Variants in PRSS12 observed in about 807,000 individuals in gnomAD.
The protein encoded by PRSS12 is serine protease 12, also known as neurotrypsin.
In PRSS12, 85 loss-of-function variants were observed where a neutral mutation model predicts 104.4. That is an observed-to-expected ratio of 0.81 (90% CI 0.68 to 0.98). The LOEUF is 0.98. PRSS12 is among the 50% of genes least tolerant of loss of function. The pLI, the probability that PRSS12 is intolerant of heterozygous loss-of-function variation, is 0.00. For synonymous variants in PRSS12, 454 were observed against 425.2 expected (o/e 1.07, Z -0.83); for missense variants, 1,141 against 1,139.2 (o/e 1.00, Z -0.02).
At chr4:118,283,168 A>C in intron 11 of PRSS12, 57 bp from the exon 12 acceptor site, 1 of 1,583,800 alleles carries the variant, frequency 6.3e-7, no homozygotes, top group South Asian at 1.1e-5. Context: ...AATTATTGTC[A>C]AGAAGGAAGA....
chr4:118,320,048 T>C (rs1257614346), intron 4 of PRSS12, among the ~76,000 whole-genome samples: 1 of 152,188 alleles, frequency 6.6e-6, no homozygotes, highest in Non-Finnish European at 1.5e-5. Flanking sequence ...CTCCCACAAT[T>C]CAAAGCAATA....
chr4:118,282,567 C>T (rs1205275575), intron 12 of PRSS12, among the ~76,000 whole-genome samples: 2 of 152,172 alleles, frequency 1.3e-5, no homozygotes, highest in East Asian at 3.9e-4. Flanking sequence ...GCATAGAATG[C>T]ATTAATGCTG....
intron 9 of PRSS12, 148 bp from the exon 10 acceptor site, chr4:118,296,004 T>G (rs1046140297): frequency 1.7e-5 from 13 of 745,036 alleles, no homozygotes; most frequent in Non-Finnish European, 2.4e-6. Flanking sequence ...AAAAATAGTT[T>G]TCTCATTTGA....
At chr4:118,294,392 C>T (rs13146959) in intron 11 of PRSS12, among the ~76,000 whole-genome samples, 9,299 of 152,160 alleles carry the variant, frequency 0.061, 389 homozygotes, top group Non-Finnish European at 0.093. Context: ...CCATGAGCTC[C>T]GTGACTCTGG....
At chr4:118,288,109 G>A (rs1048453492) in intron 11 of PRSS12, among the ~76,000 whole-genome samples, 2 of 152,104 alleles carry the variant, frequency 1.3e-5, no homozygotes, top group South Asian at 4.1e-4. Context: ...ACATGGATTC[G>A]TCTCTACAGG....
At chr4:118,305,120 T>TATATAC (rs1553955162) in intron 8 of PRSS12, among the ~76,000 whole-genome samples, 1 of 141,336 alleles carries the variant, frequency 7.1e-6, no homozygotes, top group African/African-American at 2.6e-5. Flanking sequence ...TATATATATA[T>TATATAC]ACACACACAC....
chr4:118,350,266 G>A (rs2126047187), intron 1 of PRSS12, among the ~76,000 whole-genome samples: 1 of 152,310 alleles, frequency 6.6e-6, no homozygotes, highest in South Asian at 2.1e-4. Context: ...AGCCAAAACA[G>A]ACACCAGTGT....
chr4:118,352,499 G>C lies in PRSS12; in HGVS notation c.222C>G (p.Ala74=). The C allele has an allele frequency of 2.1e-6, 3 of 1,432,492 alleles. No homozygotes were observed. Among genetic ancestry groups the C allele is most frequent in the Non-Finnish European group, 2.7e-6 (3 of 1,093,190 alleles). 88.7% of individuals were successfully genotyped at this position (1,432,492 alleles called of 1,614,324 possible). A position where few individuals can be genotyped will look rare whatever the true frequency, so the allele number is the denominator to read the frequency against. The change falls in exon 1 of 13, where the codon GCC becomes GCG. Residue 74 remains alanine, a synonymous_variant. Coordinates refer to ENST00000296498, the MANE Select transcript of PRSS12 (RefSeq NM_003619.4). The part of the protein sequence containing the change: ...RFPRPPRALP[A]QRPHALQAGH... ...CGGCCTGGAGGGCGTGCGGGCGCTGGGCAGGGAGCGCCCGCGGGGGGCGCG... is the reference window on the plus strand; with the variant it reads ...CGGCCTGGAGGGCGTGCGGGCGCTGCGCAGGGAGCGCCCGCGGGGGGCGCG...
At chr4:118,329,752 T>C (rs559064799) in intron 4 of PRSS12, among the ~76,000 whole-genome samples, 2 of 152,294 alleles carry the variant, frequency 1.3e-5, no homozygotes, top group East Asian at 3.9e-4. Flanking sequence ...CACAAAACCC[T>C]ATAAATTAAG....
intron 4 of PRSS12, among the ~76,000 whole-genome samples, chr4:118,320,838 A>T (rs1193721114): frequency 1.3e-5 from 2 of 152,196 alleles, no homozygotes; most frequent in Non-Finnish European, 2.9e-5. Flanking sequence ...TTGAGTTTAA[A>T]ATTCAAAGAG....
chr4:118,338,166 G>C lies in PRSS12; in HGVS notation c.641+10C>G. On this transcript the variant is annotated intron_variant, in intron 2 of 12. Coordinates refer to ENST00000296498, the MANE Select transcript of PRSS12 (RefSeq NM_003619.4). ...AGCTGACTGATTTGGTCAGGGATGG[G>C]TACACTCACCCCAGCTGCAGCTGGT... 6.2e-7 allele frequency: 1 copy of C among 1,613,900 alleles called. No homozygotes were observed. Among genetic ancestry groups the C allele is most frequent in the Non-Finnish European group, 8.5e-7 (1 of 1,179,886 alleles).
chr4:118,312,756 C>G (rs1743778451), intron 7 of PRSS12, among the ~76,000 whole-genome samples: 1 of 151,354 alleles, frequency 6.6e-6, no homozygotes, highest in African/African-American at 2.4e-5. Context: ...GGTTGGTGAC[C>G]AACGAACGAC....
chr4:118,342,071 C>T (rs1280026059), intron 1 of PRSS12, among the ~76,000 whole-genome samples: 2 of 152,126 alleles, frequency 1.3e-5, no homozygotes, highest in Non-Finnish European at 2.9e-5. Flanking sequence ...TGACGCAAAT[C>T]CTCCAGTAGA....
At chr4:118,333,287 A>C (rs1408824957) in intron 3 of PRSS12, among the ~76,000 whole-genome samples, 4 of 152,326 alleles carry the variant, frequency 2.6e-5, no homozygotes, top group Non-Finnish European at 5.9e-5. Context: ...CCAAATACTA[A>C]TCATTTATCT....
intron 11 of PRSS12, among the ~76,000 whole-genome samples, chr4:118,292,799 G>A (rs188555293): frequency 6.0e-4 from 91 of 152,206 alleles, no homozygotes; most frequent in Middle Eastern, 3.4e-3. Flanking sequence ...CAGATCACTT[G>A]AGGTCAGGAG....
intron 1 of PRSS12, among the ~76,000 whole-genome samples, chr4:118,349,483 C>T (rs1430012370): frequency 6.6e-6 from 1 of 151,836 alleles, no homozygotes; most frequent in Non-Finnish European, 1.5e-5. Context: ...TCAGGCCAAA[C>T]ATAATTCCCT....
intron 1 of PRSS12, among the ~76,000 whole-genome samples, chr4:118,343,889 A>C (rs1035633635): frequency 2.6e-5 from 4 of 152,196 alleles, no homozygotes; most frequent in Non-Finnish European, 4.4e-5. Context: ...TCTGAATAAA[A>C]CTAGTAATAA....
In PRSS12 at chr4:118,281,974, C is replaced by G; in HGVS notation, c.2590G>C (p.Ala864Pro). ...DSPGVYTKVSAFVPWIKSVTK... is the reference protein window; with the variant it reads ...DSPGVYTKVSPFVPWIKSVTK... Reference sequence around the variant, plus strand: ...ACACTTTTTATCCAAGGTACAAAGGCTGAGACTTTGGTATAAACACCAGGA... The same window carrying G: ...ACACTTTTTATCCAAGGTACAAAGGGTGAGACTTTGGTATAAACACCAGGA... The change falls in exon 13 of 13, where the codon GCC becomes CCC. Residue 864 changes from alanine to proline, a missense_variant. Ala to Pro is a conservative substitution (Grantham distance 27, BLOSUM62 -1). Coordinates refer to ENST00000296498, the MANE Select transcript of PRSS12 (RefSeq NM_003619.4). 1 of 1,493,364 alleles carries G rather than the reference C, an allele frequency of 6.7e-7. No homozygotes were observed. The highest frequency in any genetic ancestry group is 9.3e-7 in the Non-Finnish European group (1 of 1,069,766). The allele number at this position is 1,493,364 out of a possible 1,614,324, so 92.5% of individuals were successfully genotyped here.
intron 3 of PRSS12, 53 bp from the exon 4 acceptor site, chr4:118,331,919 A>G: frequency 6.2e-7 from 1 of 1,607,754 alleles, no homozygotes; most frequent in Non-Finnish European, 8.5e-7. Context: ...ACATTGATTG[A>G]TAAGATTAGG....
Sources: allele counts gnomAD v4.1 joint callset (sites outside exome capture counted in the v4.1 genomes callset), GRCh38; gene constraint gnomAD v4.1.1; transcripts MANE v1.5; gene names NCBI Gene and HGNC (gene_info 2026-07-23, HGNC 2026-07-21).